RSPO2: variants seen among roughly 807,000 people sequenced by gnomAD.
The protein encoded by RSPO2 is R-spondin-2.
RSPO2 carries 14 observed loss-of-function variants against 30.9 expected under a neutral mutation model. The ratio of observed to expected loss-of-function variants is 0.45; its 90% CI spans 0.30 to 0.71. RSPO2 has a LOEUF of 0.71. RSPO2 is among the 30% of genes least tolerant of loss of function. The pLI is 0.08. For synonymous variants in RSPO2, 107 were observed against 96.4 expected (o/e 1.11, Z -0.64); for missense variants, 264 against 301.9 (o/e 0.87, Z 0.93).
intron 2 of RSPO2, among the ~76,000 whole-genome samples, chr8:107,995,933 T>C (rs1586611654): frequency 1.3e-5 from 2 of 152,194 alleles, no homozygotes. Flanking sequence ...ATAATTATGA[T>C]TTGAAAATCA....
chr8:107,999,815 CAA>C (rs3046257), intron 2 of RSPO2, among the ~76,000 whole-genome samples: 57,719 of 148,910 alleles, frequency 0.39, 11,067 homozygotes, highest in South Asian at 0.44. Context: ...TAATATCTTC[CAA>C]AAAAAAAAAA....
At chr8:108,041,212 A>G (rs1768758888) in intron 2 of RSPO2, among the ~76,000 whole-genome samples, 1 of 151,266 alleles carries the variant, frequency 6.6e-6, no homozygotes, top group Non-Finnish European at 1.5e-5. Context: ...GCAAAAAAAA[A>G]AAAAAAAAAA....
chr8:107,905,997 G>C (rs908374369), intron 5 of RSPO2, among the ~76,000 whole-genome samples: 11 of 151,860 alleles, frequency 7.2e-5, no homozygotes, highest in Admixed American at 1.3e-4. Flanking sequence ...CTCCAAATAA[G>C]ATGAGATGCC....
chr8:107,941,204 G>A (rs1307051972), intron 5 of RSPO2, among the ~76,000 whole-genome samples: 2 of 152,004 alleles, frequency 1.3e-5, no homozygotes, highest in East Asian at 1.9e-4. Context: ...CTGGGGCTGT[G>A]ACACAATCAG....
intron 2 of RSPO2, among the ~76,000 whole-genome samples, chr8:108,068,981 C>T (rs1812757042): frequency 6.6e-6 from 1 of 152,172 alleles, no homozygotes; most frequent in South Asian, 2.1e-4. Flanking sequence ...ATAATGTGTG[C>T]TGCCAATGCA....
At chr8:107,992,206 A>T (rs576095222) in intron 2 of RSPO2, among the ~76,000 whole-genome samples, 115 of 68,086 alleles carry the variant, frequency 1.7e-3, no homozygotes, top group African/African-American at 9.3e-3. Flanking sequence ...CACACACACC[A>T]TGGAATACTA....
intron 5 of RSPO2, among the ~76,000 whole-genome samples, chr8:107,916,537 G>C (rs1811989530): frequency 2.0e-5 from 3 of 152,302 alleles, no homozygotes; most frequent in South Asian, 2.1e-4. Flanking sequence ...CATAAGAAAA[G>C]AGGAATAAGT....
intron 3 of RSPO2, chr8:107,983,143 C>G (rs1166328805): frequency 6.7e-7 from 1 of 1,494,800 alleles, no homozygotes; most frequent in Non-Finnish European, 9.1e-7. Flanking sequence ...ACCCCTCAAC[C>G]TGGCTCATCA....
chr8:108,058,337 T>C (rs984402683), intron 2 of RSPO2, among the ~76,000 whole-genome samples: 1 of 151,874 alleles, frequency 6.6e-6, no homozygotes, highest in South Asian at 2.1e-4. Flanking sequence ...CACTGCTCAA[T>C]GAAATAAAAG....
At chr8:107,950,798 T>A (rs1813217979) in intron 5 of RSPO2, among the ~76,000 whole-genome samples, 1 of 152,246 alleles carries the variant, frequency 6.6e-6, no homozygotes, top group Non-Finnish European at 1.5e-5. Flanking sequence ...ACAAAGTAAT[T>A]TTATCATCTT....
intron 2 of RSPO2, among the ~76,000 whole-genome samples, chr8:108,062,410 T>A (rs1812500605): frequency 6.6e-6 from 1 of 151,652 alleles, no homozygotes; most frequent in Non-Finnish European, 1.5e-5. Flanking sequence ...TATAAACACC[T>A]CTACACAAAT....
intron 2 of RSPO2, among the ~76,000 whole-genome samples, chr8:108,059,112 C>T (rs1812362450): frequency 6.6e-6 from 1 of 151,298 alleles, no homozygotes; most frequent in Non-Finnish European, 1.5e-5. Flanking sequence ...TGACAAAGGG[C>T]TAATATCCAG....
intron 2 of RSPO2, among the ~76,000 whole-genome samples, chr8:108,033,121 G>A (rs899290962): frequency 1.0e-4 from 15 of 146,874 alleles, no homozygotes; most frequent in African/African-American, 3.0e-4. Context: ...AGCTGGTCTC[G>A]AACTTCTGGC....
rs565625280 is a variant in RSPO2, at chr8:108,038,504, C to A, written c.94+44041G>T. Among the ~76,000 whole-genome samples the A allele has an allele frequency of 1.7e-4, 26 of 152,236 alleles. No individual in the cohort carries two copies. In the South Asian group the frequency reaches 5.4e-3, roughly 32 times the overall value. ...GTGGCAAGGTTTGACAGGATTGACT[C>A]CGATTCTAAAAGAAATGCTACTATG... On this transcript the variant is annotated intron_variant, in intron 2 of 5. Transcript: ENST00000276659.
At chr8:107,961,257 A>C (rs1459035935) in intron 3 of RSPO2, among the ~76,000 whole-genome samples, 3 of 152,178 alleles carry the variant, frequency 2.0e-5, no homozygotes, top group Non-Finnish European at 2.9e-5. Context: ...AATGTTTTAA[A>C]ATGCATGGTC....
chr8:107,997,004 C>T, intron 2 of RSPO2: 2 of 416,800 alleles, frequency 4.8e-6, no homozygotes, highest in South Asian at 1.8e-5. Flanking sequence ...CCTGAGTACT[C>T]TCTCCCCACT....
At chr8:107,951,052 TGTTGTTGTTG>T (rs1813228859) in intron 5 of RSPO2, among the ~76,000 whole-genome samples, 2 of 147,242 alleles carry the variant, frequency 1.4e-5, no homozygotes, top group African/African-American at 2.6e-5. Context: ...AGTTTTTTTT[TGTTGTTGTTG>T]TTGTTGTTGT....
At chr8:107,965,408 C>T (rs1813768082) in intron 3 of RSPO2, among the ~76,000 whole-genome samples, 2 of 152,180 alleles carry the variant, frequency 1.3e-5, no homozygotes, top group South Asian at 4.1e-4. Flanking sequence ...TCTAATATAA[C>T]ATTTTTCAAA....
At position 107,960,696 on chromosome 8, in the gene RSPO2, T is replaced by C; in HGVS notation, c.405A>G (p.Leu135=). 3 of 1,612,468 alleles carry C rather than the reference T, an allele frequency of 1.9e-6. No homozygotes were observed. The highest frequency in any genetic ancestry group is 2.5e-6 in the Non-Finnish European group (3 of 1,179,516). The change falls in exon 4 of 6, where the codon TTA becomes TTG. Residue 135 remains leucine (L), a synonymous_variant. Transcript: ENST00000276659. ...FDECPDGFAP[L]EETMECVEGC... ...CACCCACACATTCCATGGTTTCTTC[T>C]AATGGTGCAAAACCATCTGGACATT... is the stretch of plus-strand genomic sequence containing the variant.
Sources: gnomAD v4.1 joint callset for allele counts (sites outside exome capture counted in the v4.1 genomes callset) on GRCh38, gnomAD v4.1.1 for gene constraint, MANE v1.5 for transcripts, NCBI Gene and HGNC (gene_info 2026-07-23, HGNC 2026-07-21) for gene names.